Variants in BPTF observed in about 807,000 individuals in gnomAD.
The protein encoded by BPTF is bromodomain PHD finger transcription factor, also known as nucleosome-remodeling factor subunit BPTF.
Under a neutral mutation model 292.5 loss-of-function variants are expected in BPTF, and 18 were observed. The observed-to-expected ratio is 0.06, with a 90% CI of 0.04 to 0.09. The LOEUF (loss-of-function observed/expected upper bound fraction) is 0.09. BPTF is among the 10% of genes least tolerant of loss of function. BPTF has a pLI of 1.00. For synonymous variants in BPTF, 1,225 were observed against 1,251.9 expected (o/e 0.98, Z 0.45); for missense variants, 2,726 against 3,498.7 (o/e 0.78, Z 5.57).
chr17:67,843,927 G>A (rs955695838), intron 1 of BPTF, among the ~76,000 whole-genome samples: 17 of 150,428 alleles, frequency 1.1e-4, no homozygotes, highest in Non-Finnish European at 2.1e-4. Context: ...CACCATGGCC[G>A]GCTAATTTAT....
At chr17:67,849,991 A>G (rs2058292326) in intron 1 of BPTF, among the ~76,000 whole-genome samples, 1 of 152,158 alleles carries the variant, frequency 6.6e-6, no homozygotes, top group Non-Finnish European at 1.5e-5. Flanking sequence ...CTATTGAATC[A>G]GTGACATATG....
intron 2 of BPTF, among the ~76,000 whole-genome samples, chr17:67,865,053 G>A (rs1373214118): frequency 2.0e-5 from 3 of 152,036 alleles, no homozygotes; most frequent in East Asian, 1.9e-4. Flanking sequence ...TGATCCGCCC[G>A]CCTCAGCCTC....
At chr17:67,906,504 G>T (rs1193382410) in intron 9 of BPTF, among the ~76,000 whole-genome samples, 1 of 152,130 alleles carries the variant, frequency 6.6e-6, no homozygotes, top group Non-Finnish European at 1.5e-5. Flanking sequence ...AGTTCAATGA[G>T]CCGATTATTT....
At chr17:67,970,000 G>A (rs1198293851) in intron 26 of BPTF, among the ~76,000 whole-genome samples, 2 of 152,114 alleles carry the variant, frequency 1.3e-5, no homozygotes, top group African/African-American at 4.8e-5. Flanking sequence ...TTGGGAGGCC[G>A]AGGCAGGCAG....
At chr17:67,845,077 A>G (rs1476528280) in intron 1 of BPTF, among the ~76,000 whole-genome samples, 1 of 152,122 alleles carries the variant, frequency 6.6e-6, no homozygotes, top group South Asian at 2.1e-4. Flanking sequence ...TGAGTTTAGT[A>G]TACTTGTGAT....
rs183222584 is a variant in BPTF at position 67,866,373 on chromosome 17, G to A, written c.1437-91G>A. 376 of 1,009,152 alleles carry A rather than the reference G, an allele frequency of 3.7e-4. No individual in the cohort carries two copies. The African/African-American group carries it at 5.4e-3, about 15-fold the overall frequency. 62.5% of individuals were successfully genotyped at this position (1,009,152 alleles called of 1,614,324 possible). ...GCCTATATTGAGTTTTAGTGCATAA[G>A]CTTTGTTTTAAGTTTTCACTGGGTA... On this transcript the variant is annotated intron_variant, in intron 2 of 27. Coordinates refer to ENST00000306378, the MANE Select transcript of BPTF (RefSeq NM_182641.4).
At position 67,948,096 on chromosome 17, in the gene BPTF, C is replaced by T. The variant is rs1555676403; in HGVS notation, c.7716C>T (p.Asn2572=). The part of the protein sequence containing the change: ...REENQRMIVC[N]QVMKYILDKI... The stretch of plus-strand genomic sequence containing the variant: ...TTTTCTCTAGAATGATTGTCTGTAA[C>T]CAGGTGATGAAGTATATTTTGGATA... The change falls in exon 23 of 28, where the codon AAC becomes AAT. Residue 2572 remains asparagine, a synonymous_variant. Coordinates refer to ENST00000306378, the MANE Select transcript of BPTF (RefSeq NM_182641.4). 6.2e-7 allele frequency: 1 copy of T among 1,613,618 alleles called. No homozygotes were observed. The highest frequency in any genetic ancestry group is 1.7e-5 in the Admixed American group (1 of 60,000).
chr17:67,892,116 A>G, intron 5 of BPTF, 82 bp downstream of exon 5: 4 of 917,034 alleles, frequency 4.4e-6, no homozygotes, highest in Non-Finnish European at 6.2e-6. Flanking sequence ...GGGGCTGGAA[A>G]TTTGTAGAAA....
rs1450848229 is a variant in BPTF at position 67,893,431 on chromosome 17, T to A, written c.2117T>A (p.Met706Lys). Reference protein sequence around the residue: ...SRLSTKKEVIMKGNINNYFKL... With the variant: ...SRLSTKKEVIKKGNINNYFKL... ...TTGAGCACCAAAAAGGAAGTGATCATGAAAGGAAATATCAACAATTATTTT... is the reference window on the plus strand; with the variant it reads ...TTGAGCACCAAAAAGGAAGTGATCAAGAAAGGAAATATCAACAATTATTTT... Residue 706 changes from methionine to lysine, a missense_variant, in exon 6 of 28, where the codon ATG becomes AAG. Met to Lys is a moderately conservative substitution (Grantham distance 95, BLOSUM62 -1). Transcript: ENST00000306378. 2.5e-6 allele frequency: 4 copies of A among 1,614,026 alleles called. No homozygotes were observed. The highest frequency in any genetic ancestry group is 3.4e-6 in the Non-Finnish European group (4 of 1,180,024).
intron 18 of BPTF, among the ~76,000 whole-genome samples, chr17:67,938,321 A>G (rs2065089828): frequency 6.6e-6 from 1 of 152,232 alleles, no homozygotes; most frequent in African/African-American, 2.4e-5. Flanking sequence ...CTGCAATGCA[A>G]GGACATAGCA....
intron 1 of BPTF, among the ~76,000 whole-genome samples, chr17:67,851,679 G>A (rs538292298): frequency 1.3e-5 from 2 of 152,272 alleles, no homozygotes; most frequent in East Asian, 1.9e-4. Flanking sequence ...GGGCAAACAG[G>A]TGTGCAGGCT....
rs138069789 is a variant in BPTF at position 67,912,039 on chromosome 17, T to C, written c.4155T>C (p.Thr1385=). 75 of 1,611,262 alleles carry C rather than the reference T, an allele frequency of 4.7e-5. No individual in the cohort carries two copies. The highest frequency in any genetic ancestry group is 5.8e-5 in the Non-Finnish European group (68 of 1,179,274). The change falls in exon 11 of 28, where the codon ACT becomes ACC. Residue 1385 remains threonine, a synonymous_variant. Coordinates refer to ENST00000306378, the MANE Select transcript of BPTF (RefSeq NM_182641.4). ...CSDQIKLKNT[T]DKKNNENRES... ...ATCAAATAAAGCTAAAAAATACCAC[T>C]GACAAAAAGAATAATGAAAATCGAG...
intron 5 of BPTF, chr17:67,893,084 G>T: frequency 1.2e-5 from 4 of 343,258 alleles, no homozygotes; most frequent in Non-Finnish European, 1.1e-5. Context: ...ATGGTTTCAT[G>T]GGTATATTTG....
At chr17:67,937,582 AAG>A (rs1342348653) in intron 18 of BPTF, among the ~76,000 whole-genome samples, 2 of 152,156 alleles carry the variant, frequency 1.3e-5, no homozygotes, top group South Asian at 4.1e-4. Context: ...TATCTGAGGA[AAG>A]AGTCTTTTAT....
chr17:67,921,529 GTAAATAAA>G lies in BPTF; in HGVS notation c.5558-1290_5558-1283del, dbSNP rs557669526. 5.3e-3 allele frequency among the ~76,000 whole-genome samples: 800 copies of G among 151,510 alleles called. 12 individuals carry two copies. Among genetic ancestry groups the G allele is most frequent in the African/African-American group, 0.018 (760 of 41,298 alleles). On this transcript the variant is annotated intron_variant, in intron 13 of 27. Coordinates refer to ENST00000306378, the MANE Select transcript of BPTF (RefSeq NM_182641.4). ...CAACAGAGTGAGACTCCATTTCCAA[GTAAATAAA>G]TAAATAAATAAATAAATAAAAAGAT...
chr17:67,982,600 T>C lies in BPTF; in HGVS notation c.*312T>C. ...GAAAAAAAGATACTATGGGGTCAAG[T>C]GTAACTCCATGGAAATGCCACGTCT... On this transcript the variant is annotated 3_prime_UTR_variant, in exon 28 of 28. Transcript: ENST00000306378. 1 of 229,938 alleles carries C rather than the reference T, an allele frequency of 4.3e-6. No individual in the cohort carries two copies. Among genetic ancestry groups the C allele is most frequent in the Non-Finnish European group, 8.5e-6 (1 of 118,306 alleles). The allele number at this position is 229,938 out of a possible 1,614,324, so 14.2% of individuals were successfully genotyped here. A position where few individuals can be genotyped will look rare whatever the true frequency, so the allele number is the denominator to read the frequency against.
intron 11 of BPTF, among the ~76,000 whole-genome samples, chr17:67,918,205 G>A (rs2063183504): frequency 1.3e-5 from 2 of 152,088 alleles, no homozygotes; most frequent in South Asian, 4.1e-4. Context: ...CACAGTGCTG[G>A]GATTACAGGC....
intron 26 of BPTF, among the ~76,000 whole-genome samples, chr17:67,968,623 C>T (rs2068397423): frequency 6.6e-6 from 1 of 150,802 alleles, no homozygotes; most frequent in Admixed American, 6.6e-5. Context: ...CCCGTCTCTA[C>T]TAAAAATACA....
chr17:67,908,221 C>T (rs927359920), intron 9 of BPTF, among the ~76,000 whole-genome samples: 36 of 151,858 alleles, frequency 2.4e-4, no homozygotes, highest in African/African-American at 8.5e-4. Flanking sequence ...TGCAGTGGCA[C>T]CATCTCAGCT....
Sources: gnomAD v4.1 joint callset for allele counts (sites outside exome capture counted in the v4.1 genomes callset) on GRCh38, gnomAD v4.1.1 for gene constraint, MANE v1.5 for transcripts, NCBI Gene and HGNC (gene_info 2026-07-23, HGNC 2026-07-21) for gene names.